Variants in PDE10A observed in about 807,000 individuals in gnomAD.
PDE10A encodes the protein cAMP and cAMP-inhibited cGMP 3',5'-cyclic phosphodiesterase 10A.
In PDE10A, 39 loss-of-function variants were observed where a neutral mutation model predicts 97.7. That is an observed-to-expected ratio of 0.40 (90% confidence interval 0.31 to 0.52). The LOEUF is 0.52. Ranked by LOEUF, PDE10A falls within the 20% of genes least tolerant of loss-of-function variation. The pLI is 0.56. For missense variants in PDE10A, 731 were observed against 1,047.8 expected, an observed-to-expected ratio of 0.70 and a Z score of 4.17; for synonymous variants, 371 against 376.8, an observed-to-expected ratio of 0.98 and a Z score of 0.18.
At chr6:165,440,527 A>G (rs188827346) in intron 5 of PDE10A, among the ~76,000 whole-genome samples, 8 of 152,334 alleles carry the variant, frequency 5.3e-5, no homozygotes, top group Non-Finnish European at 2.9e-5. Context: ...CTTTGTAGAA[A>G]GCACAGTAAC....
chr6:165,659,719 G>A (rs545386883), intron 1 of PDE10A, among the ~76,000 whole-genome samples: 1 of 152,310 alleles, frequency 6.6e-6, no homozygotes, highest in South Asian at 2.1e-4. Flanking sequence ...GATGAGTCTG[G>A]TTTCTCTGAT....
chr6:165,415,221 T>C (rs946845053), intron 12 of PDE10A, among the ~76,000 whole-genome samples: 1 of 152,162 alleles, frequency 6.6e-6, no homozygotes, highest in African/African-American at 2.4e-5. Context: ...AGTTTGGACT[T>C]TTGGAAAAAA....
intron 13 of PDE10A, among the ~76,000 whole-genome samples, chr6:165,403,227 C>T (rs1786815230): frequency 6.6e-6 from 1 of 152,178 alleles, no homozygotes; most frequent in African/African-American, 2.4e-5. Flanking sequence ...CACTGTGTTG[C>T]CACATCATTT....
At chr6:165,552,578 C>T (rs1784070837) in intron 1 of PDE10A, among the ~76,000 whole-genome samples, 1 of 152,170 alleles carries the variant, frequency 6.6e-6, no homozygotes, top group African/African-American at 2.4e-5. Context: ...AACATGCTTC[C>T]CTGGTAGGTA....
intron 13 of PDE10A, among the ~76,000 whole-genome samples, chr6:165,406,406 G>C (rs1319383821): frequency 6.6e-6 from 1 of 152,078 alleles, no homozygotes; most frequent in East Asian, 1.9e-4. Context: ...TAAGGCAATA[G>C]TTCATCATCT....
At chr6:165,444,538 A>G (rs1232013477) in intron 5 of PDE10A, among the ~76,000 whole-genome samples, 2 of 152,154 alleles carry the variant, frequency 1.3e-5, no homozygotes, top group African/African-American at 4.8e-5. Flanking sequence ...ACCAGAATAA[A>G]AGACAGTTTG....
chr6:165,693,791 G>A (rs940089652), intron 1 of PDE10A, among the ~76,000 whole-genome samples: 3 of 152,008 alleles, frequency 2.0e-5, no homozygotes, highest in Non-Finnish European at 4.4e-5. Context: ...TTGTTTTCTG[G>A]GGCCAATTCA....
At chr6:165,935,222 T>C (rs1343134417) in intron 1 of PDE10A, among the ~76,000 whole-genome samples, 1 of 152,214 alleles carries the variant, frequency 6.6e-6, no homozygotes, top group African/African-American at 2.4e-5. Flanking sequence ...AGGCCATCTT[T>C]GGGTTCTTTG....
intron 1 of PDE10A, among the ~76,000 whole-genome samples, chr6:165,943,229 A>ACG (rs1562809776): frequency 1.7e-5 from 1 of 58,150 alleles, no homozygotes. Context: ...GAAAGAAAGA[A>ACG]AGAAAGAAGG....
intron 1 of PDE10A, among the ~76,000 whole-genome samples, chr6:165,772,576 G>T (rs975486645): frequency 1.3e-5 from 2 of 152,158 alleles, no homozygotes; most frequent in Non-Finnish European, 2.9e-5. Context: ...CTATCTCTTC[G>T]TCTGTAAAAA....
intron 18 of PDE10A, among the ~76,000 whole-genome samples, chr6:165,368,150 C>T (rs1383586218): frequency 6.6e-6 from 1 of 152,228 alleles, no homozygotes; most frequent in East Asian, 1.9e-4. Context: ...CATGCACCAC[C>T]ACACCTGGCT....
chr6:165,422,755 C>T (rs1406521751), intron 10 of PDE10A, among the ~76,000 whole-genome samples: 3 of 151,936 alleles, frequency 2.0e-5, no homozygotes, highest in Non-Finnish European at 2.9e-5. Flanking sequence ...TGGGAAGACT[C>T]GGGGTTCAAG....
intron 1 of PDE10A, among the ~76,000 whole-genome samples, chr6:165,673,180 C>G (rs373304226): frequency 1.3e-5 from 2 of 152,266 alleles, no homozygotes; most frequent in African/African-American, 4.8e-5. Flanking sequence ...AACTTTTCAA[C>G]AGATAAACTA....
chr6:165,722,273 T>C (rs1202550892), intron 1 of PDE10A, among the ~76,000 whole-genome samples: 1 of 152,218 alleles, frequency 6.6e-6, no homozygotes, highest in Non-Finnish European at 1.5e-5. Flanking sequence ...GGCAGCCTCC[T>C]TTCACCCAGC....
chr6:165,900,369 G>T (rs1159714284), intron 1 of PDE10A, among the ~76,000 whole-genome samples: 1 of 152,072 alleles, frequency 6.6e-6, no homozygotes, highest in African/African-American at 2.4e-5. Context: ...CTACTCCAGA[G>T]GCTGAGGCAG....
In PDE10A at chr6:165,470,746, T is replaced by C. The variant is rs112842399; in HGVS notation, c.1023+11569A>G. ...TGTGAAGGAACAGGTAAAGCTGCAATAGGGAGGACCTGGGAGGCTGACAGG... is the reference window on the plus strand; with the variant it reads ...TGTGAAGGAACAGGTAAAGCTGCAACAGGGAGGACCTGGGAGGCTGACAGG... On this transcript the variant is annotated intron_variant, in intron 3 of 21. Transcript: ENST00000539869. Among the ~76,000 whole-genome samples the C allele has an allele frequency of 4.1e-3, 618 of 152,202 alleles. 3 individuals carry two copies. Among genetic ancestry groups the C allele is most frequent in the African/African-American group, 0.014 (595 of 41,526 alleles).
At chr6:165,916,872 G>T (rs189856013) in intron 1 of PDE10A, among the ~76,000 whole-genome samples, 153 of 152,118 alleles carry the variant, frequency 1.0e-3, no homozygotes, top group African/African-American at 3.4e-3. Context: ...CCTCCACCGT[G>T]GGCCACCTCC....
At position 165,798,951 on chromosome 6, in the gene PDE10A, G is replaced by T. The variant is rs772589441; in HGVS notation, c.-615+188578C>A. ...TGGAACTCCTGACCTCAAGTGATCC[G>T]CCTGCTTTGGCCTCCCAAAGTGCTG... On this transcript the variant is annotated intron_variant, in intron 1 of 19. Transcript: ENST00000366882. Among the ~76,000 whole-genome samples the T allele has an allele frequency of 3.3e-5, 5 of 152,148 alleles. No individual in the cohort carries two copies. The East Asian group carries it at 5.8e-4, about 18-fold the overall frequency.
intron 1 of PDE10A, among the ~76,000 whole-genome samples, chr6:165,916,367 A>C: frequency 6.6e-6 from 1 of 152,218 alleles, no homozygotes; most frequent in East Asian, 1.9e-4. Context: ...GGACCATCCT[A>C]GGGTAGCTCT....
Sources: gnomAD v4.1 joint callset for allele counts (sites outside exome capture counted in the v4.1 genomes callset) on GRCh38, gnomAD v4.1.1 for gene constraint, MANE v1.5 for transcripts, NCBI Gene and HGNC (gene_info 2026-07-23, HGNC 2026-07-21) for gene names.